The following NR2F1-AS1 variants were observed in gnomAD, a reference collection of about 807,000 sequenced individuals.
NR2F1-AS1 encodes NR2F1 antisense RNA 1.
At chr5:93,538,928 T>C (rs764491754) in intron 4 of NR2F1-AS1, among the ~76,000 whole-genome samples, 6 of 152,152 alleles carry the variant, frequency 3.9e-5, no homozygotes, top group Admixed American at 1.3e-4. Context: ...CAAGAACTTA[T>C]AGACAATGTT....
intron 4 of NR2F1-AS1, among the ~76,000 whole-genome samples, chr5:93,490,943 AGTGGTG>A (rs1157276066): frequency 4.7e-4 from 37 of 79,464 alleles, no homozygotes; most frequent in African/African-American, 1.6e-3. Context: ...TGGTGGTGGG[AGTGGTG>A]GTGGTGGTGG....
At chr5:93,520,909 A>G (rs1751487735) in intron 4 of NR2F1-AS1, among the ~76,000 whole-genome samples, 1 of 152,122 alleles carries the variant, frequency 6.6e-6, no homozygotes, top group Non-Finnish European at 1.5e-5. Context: ...ACATCACAAT[A>G]CTTCATCAAT....
intron 4 of NR2F1-AS1, among the ~76,000 whole-genome samples, chr5:93,507,095 A>G (rs1751200251): frequency 6.6e-6 from 1 of 152,288 alleles, no homozygotes; most frequent in South Asian, 2.1e-4. Context: ...GATTTAGGAG[A>G]AAAACCATAA....
chr5:93,541,706 T>C (rs1751954098), intron 4 of NR2F1-AS1, among the ~76,000 whole-genome samples: 1 of 152,098 alleles, frequency 6.6e-6, no homozygotes, highest in Non-Finnish European at 1.5e-5. Flanking sequence ...CCTTTCCACC[T>C]GTCCTGCTTG....
chr5:93,443,938 T>C (rs896031356), intron 4 of NR2F1-AS1, among the ~76,000 whole-genome samples: 1 of 152,178 alleles, frequency 6.6e-6, no homozygotes, highest in African/African-American at 2.4e-5. Flanking sequence ...GAAGTTCATA[T>C]CCAGCCAAAC....
chr5:93,449,717 C>G (rs1749789570), intron 4 of NR2F1-AS1, among the ~76,000 whole-genome samples: 1 of 152,046 alleles, frequency 6.6e-6, no homozygotes, highest in Non-Finnish European at 1.5e-5. Flanking sequence ...TCCTGTTTTT[C>G]AAATCCAGCA....
intron 4 of NR2F1-AS1, among the ~76,000 whole-genome samples, chr5:93,464,246 C>A (rs1750169627): frequency 6.6e-6 from 1 of 152,130 alleles, no homozygotes; most frequent in Non-Finnish European, 1.5e-5. Context: ...TTTCACTGCA[C>A]AAGCTCTCTT....
At chr5:93,562,195 A>AAAAAAAGAAAAAAAAAGAAAAGAAAAG (rs755007063) in intron 2 of NR2F1-AS1, among the ~76,000 whole-genome samples, 1 of 136,664 alleles carries the variant, frequency 7.3e-6, no homozygotes, top group African/African-American at 3.0e-5. Flanking sequence ...AAAAAAAAAA[A>AAAAAAAGAAAAAAAAAGAAAAGAAAAG]AAAAGAAAAG....
intron 4 of NR2F1-AS1, among the ~76,000 whole-genome samples, chr5:93,464,777 C>T (rs1278573054): frequency 6.6e-6 from 1 of 152,182 alleles, no homozygotes; most frequent in Non-Finnish European, 1.5e-5. Context: ...CATAAGCCCA[C>T]AAAACAATAT....
intron 4 of NR2F1-AS1, among the ~76,000 whole-genome samples, chr5:93,417,073 C>T (rs545917767): frequency 1.3e-5 from 2 of 152,260 alleles, no homozygotes; most frequent in East Asian, 3.9e-4. Context: ...CTAGTCTTTG[C>T]ACTATGCCAC....
intron 4 of NR2F1-AS1, among the ~76,000 whole-genome samples, chr5:93,477,302 A>G (rs1367301223): frequency 2.0e-5 from 3 of 152,214 alleles, no homozygotes; most frequent in Non-Finnish European, 2.9e-5. Flanking sequence ...TGTACACAAC[A>G]TTAACATCAC....
chr5:93,450,281 G>A (rs1394498911), intron 4 of NR2F1-AS1, among the ~76,000 whole-genome samples: 1 of 152,098 alleles, frequency 6.6e-6, no homozygotes, highest in East Asian at 1.9e-4. Context: ...TATTTCATGT[G>A]TTGCTTCTGA....
intron 4 of NR2F1-AS1, among the ~76,000 whole-genome samples, chr5:93,453,009 G>T: frequency 6.6e-6 from 1 of 151,874 alleles, no homozygotes; most frequent in South Asian, 2.1e-4. Flanking sequence ...TAGAGAAAAA[G>T]AAATAAATAG....
chr5:93,447,366 C>T (rs1749735671), intron 4 of NR2F1-AS1, among the ~76,000 whole-genome samples: 1 of 151,986 alleles, frequency 6.6e-6, no homozygotes, highest in Admixed American at 6.6e-5. Flanking sequence ...AGAAAAAAAT[C>T]AAACAACCCC....
chr5:93,467,139 T>G (rs1355598465), intron 4 of NR2F1-AS1, among the ~76,000 whole-genome samples: 1 of 152,192 alleles, frequency 6.6e-6, no homozygotes. Context: ...TGACCTCAAG[T>G]GATCCATCCG....
chr5:93,441,781 C>T (rs932006281), intron 4 of NR2F1-AS1, among the ~76,000 whole-genome samples: 1 of 152,138 alleles, frequency 6.6e-6, no homozygotes, highest in Non-Finnish European at 1.5e-5. Context: ...AAAAACAATC[C>T]AATGTGCCTG....
At chr5:93,434,196 T>C (rs1749386971) in intron 4 of NR2F1-AS1, among the ~76,000 whole-genome samples, 1 of 152,192 alleles carries the variant, frequency 6.6e-6, no homozygotes. Context: ...ATGATCAGTT[T>C]AGTGCAGTGA....
chr5:93,490,743 G>T (rs1258884710), intron 4 of NR2F1-AS1, among the ~76,000 whole-genome samples: 1 of 151,484 alleles, frequency 6.6e-6, no homozygotes, highest in African/African-American at 2.4e-5. Context: ...TGGTGGCATT[G>T]ATGGTGGTTG....
intron 4 of NR2F1-AS1, among the ~76,000 whole-genome samples, chr5:93,456,829 C>T (rs972200687): frequency 6.6e-6 from 1 of 151,960 alleles, no homozygotes; most frequent in African/African-American, 2.4e-5. Flanking sequence ...GGCAGGACAA[C>T]AGGGTAATAG....
Sources: gnomAD v4.1 joint callset for allele counts (sites outside exome capture counted in the v4.1 genomes callset) on GRCh38, gnomAD v4.1.1 for gene constraint, MANE v1.5 for transcripts, NCBI Gene and HGNC (gene_info 2026-07-23, HGNC 2026-07-21) for gene names.